Variants in AMMECR1L observed in about 807,000 individuals in gnomAD.
AMMECR1L encodes AMMECR1 like, also known as AMMECR1-like protein.
In AMMECR1L, 4 loss-of-function variants were observed where a neutral mutation model predicts 36.8. The ratio of observed to expected loss-of-function variants is 0.11; its 90% CI spans 0.05 to 0.25. The LOEUF is 0.25. Ranked by LOEUF, AMMECR1L falls within the 10% of genes least tolerant of loss-of-function variation. AMMECR1L has a pLI of 1.00. For synonymous variants in AMMECR1L, 147 were observed against 148.0 expected, an observed-to-expected ratio of 0.99 and a Z score of 0.05; for missense variants, 232 against 392.1, an observed-to-expected ratio of 0.59 and a Z score of 3.45.
At chr2:127,879,792 G>GC (rs1456890416) in intron 2 of AMMECR1L, among the ~76,000 whole-genome samples, 3 of 152,150 alleles carry the variant, frequency 2.0e-5, no homozygotes, top group Admixed American at 2.0e-4. Context: ...TGGTCCTCCA[G>GC]CAGCCCGGCT....
intron 2 of AMMECR1L, among the ~76,000 whole-genome samples, chr2:127,877,111 G>A (rs1207007227): frequency 6.7e-6 from 1 of 150,308 alleles, no homozygotes; most frequent in Non-Finnish European, 1.5e-5. Context: ...AATACTTTTA[G>A]CTGCTCTTAT....
rs1226696555 is a variant in AMMECR1L at position 127,862,017 on chromosome 2, T to C, written c.*3077A>G. 6.6e-6 allele frequency: 1 copy of C among 152,640 alleles called. No individual in the cohort carries two copies. The highest frequency in any genetic ancestry group is 2.4e-5 in the African/African-American group (1 of 41,448). 9.5% of individuals were successfully genotyped at this position (152,640 alleles called of 1,614,324 possible). A position where few individuals can be genotyped will look rare whatever the true frequency, so the allele number is the denominator to read the frequency against. Reference sequence around the variant, plus strand: ...TTTCATGTTGAAAGGGTCTCTAACATGAGTTGTTTTATTATTATGAAGCAA... The same window carrying C: ...TTTCATGTTGAAAGGGTCTCTAACACGAGTTGTTTTATTATTATGAAGCAA... On this transcript the variant is annotated 3_prime_UTR_variant, in exon 8 of 8. Transcript: ENST00000272647.
In AMMECR1L at chr2:127,869,590, A is replaced by C. The variant is rs768427510; in HGVS notation, c.634-46T>G. ...AAGTAAATGGCATTTACTTACTCTA[A>C]TGGAACTTCAGTCCCCACATATAAA... On this transcript the variant is annotated intron_variant, in intron 5 of 7. Coordinates refer to ENST00000272647, the MANE Select transcript of AMMECR1L (RefSeq NM_001199140.2). This position sits in a 1 kb window ranked among gnomAD's most constrained non-coding sequence, Gnocchi z 4.7. The C allele has an allele frequency of 7.5e-6, 11 of 1,464,882 alleles. No individual in the cohort carries two copies. The highest frequency in any genetic ancestry group is 9.6e-6 in the Non-Finnish European group (10 of 1,044,600). 90.7% of individuals were successfully genotyped at this position (1,464,882 alleles called of 1,614,324 possible).
Position 127,871,269 on chromosome 2 carries a change from G to C in AMMECR1L, c.498C>G (p.Leu166=). 6.2e-7 allele frequency: 1 copy of C among 1,614,106 alleles called. No individual in the cohort carries two copies. The highest frequency in any genetic ancestry group is 8.5e-7 in the Non-Finnish European group (1 of 1,180,014). The change falls in exon 4 of 8, where the codon CTC becomes CTG. Residue 166 remains leucine (L), a synonymous_variant. Coordinates refer to ENST00000272647, the MANE Select transcript of AMMECR1L (RefSeq NM_001199140.2). The surrounding 1 kb of genome is among the most constrained non-coding windows in gnomAD (Gnocchi z 4.3). ...ATTACCTGGTTAACGTGTATTCCCTGAGTCCTGAATGAAGATTCATGGCTG... is the reference window on the plus strand; with the variant it reads ...ATTACCTGGTTAACGTGTATTCCCTCAGTCCTGAATGAAGATTCATGGCTG... The part of the protein sequence containing the change: ...TFSAMNLHSG[L]REYTLTSALK...
In AMMECR1L at chr2:127,862,211, G is replaced by C. The variant is rs1690497220; in HGVS notation, c.*2883C>G. ...CTTTCCAGACCAAAAGGCACTCACA[G>C]CTAGGGATGAAACGAACTCCGAACC... On this transcript the variant is annotated 3_prime_UTR_variant, in exon 8 of 8. Transcript: ENST00000272647. 1 of 153,742 alleles carries C rather than the reference G, an allele frequency of 6.5e-6. No homozygotes were observed. Among genetic ancestry groups the C allele is most frequent in the African/African-American group, 2.4e-5 (1 of 41,434 alleles). 9.5% of individuals were successfully genotyped at this position (153,742 alleles called of 1,614,324 possible).
intron 1 of AMMECR1L, chr2:127,884,955 C>G (rs1471370693): frequency 5.8e-6 from 1 of 173,270 alleles, no homozygotes; most frequent in Non-Finnish European, 1.1e-5. Context: ...CCCACCCACT[C>G]TATCCTAGGA....
chr2:127,883,317 GA>G (rs1240239555), intron 2 of AMMECR1L, among the ~76,000 whole-genome samples: 20 of 152,092 alleles, frequency 1.3e-4, no homozygotes, highest in African/African-American at 4.6e-4. Flanking sequence ...AGGATGTCTT[GA>G]TCTCTTGACC....
At position 127,871,142 on chromosome 2, in the gene AMMECR1L, A is replaced by G; in HGVS notation, c.518+107T>C. On this transcript the variant is annotated intron_variant, in intron 4 of 7. Coordinates refer to ENST00000272647, the MANE Select transcript of AMMECR1L (RefSeq NM_001199140.2). This position sits in a 1 kb window ranked among gnomAD's most constrained non-coding sequence, Gnocchi z 4.3. ...ATTAAGCCCCTTACATTTCCTGATT[A>G]CCAAAAAGAGAAAGCTCAACGTACA... is the stretch of plus-strand genomic sequence containing the variant. 7.9e-7 allele frequency: 1 copy of G among 1,258,324 alleles called. No individual in the cohort carries two copies. The highest frequency in any genetic ancestry group is 1.1e-6 in the Non-Finnish European group (1 of 896,758). 77.9% of individuals were successfully genotyped at this position (1,258,324 alleles called of 1,614,324 possible). A position where few individuals can be genotyped will look rare whatever the true frequency, so the allele number is the denominator to read the frequency against.
In AMMECR1L at chr2:127,865,046, T is replaced by C. The variant is rs1302913438; in HGVS notation, c.*48A>G. On this transcript the variant is annotated 3_prime_UTR_variant, in exon 8 of 8. Transcript: ENST00000272647. The surrounding 1 kb of genome is among the most constrained non-coding windows in gnomAD (Gnocchi z 5.4). ...GGAGGCATCTGCTCCAATGATGTCA[T>C]AGCCATTGGTGGCCACGGGGGGGTG... 3.8e-6 allele frequency: 5 copies of C among 1,317,966 alleles called. No individual in the cohort carries two copies. The highest frequency in any genetic ancestry group is 2.2e-6 in the Non-Finnish European group (2 of 916,942). The allele number at this position is 1,317,966 out of a possible 1,614,324, so 81.6% of individuals were successfully genotyped here.
At chr2:127,880,160 CAA>C (rs1448449787) in intron 2 of AMMECR1L, among the ~76,000 whole-genome samples, 1 of 152,134 alleles carries the variant, frequency 6.6e-6, no homozygotes, top group East Asian at 1.9e-4. Context: ...AGGAAAAAGA[CAA>C]AGTTTGAAAT....
chr2:127,865,347 T>C lies in AMMECR1L; in HGVS notation c.822-142A>G. 1 of 533,964 alleles carries C rather than the reference T, an allele frequency of 1.9e-6. No homozygotes were observed. Among genetic ancestry groups the C allele is most frequent in the Non-Finnish European group, 3.3e-6 (1 of 299,662 alleles). The allele number at this position is 533,964 out of a possible 1,614,324, so 33.1% of individuals were successfully genotyped here. On this transcript the variant is annotated intron_variant, in intron 7 of 7. Transcript: ENST00000272647. The surrounding 1 kb of genome is among the most constrained non-coding windows in gnomAD (Gnocchi z 5.4). ...CAAGAGCAATCTTACTTACAGAAAA[T>C]GAAAGACAGCACAAGAAAACAATGT...
Position 127,871,736 on chromosome 2 carries a change from C to T in AMMECR1L, c.408-377G>A, listed in dbSNP as rs749781961. On this transcript the variant is annotated intron_variant, in intron 3 of 7. Transcript: ENST00000272647. This position sits in a 1 kb window ranked among gnomAD's most constrained non-coding sequence, Gnocchi z 4.3. The stretch of plus-strand genomic sequence containing the variant: ...TCCAGGTAGCCATGCTCCCCCGCTC[C>T]GTCTTTCATGATGACACGCCTCACC... Among the ~76,000 whole-genome samples the T allele has an allele frequency of 1.1e-4, 17 of 152,114 alleles. No homozygotes were observed. Among genetic ancestry groups the T allele is most frequent in the East Asian group, 1.9e-4 (1 of 5,196 alleles).
At chr2:127,870,271 A>G (rs13012321) in intron 5 of AMMECR1L, among the ~76,000 whole-genome samples, 74,361 of 150,322 alleles carry the variant, frequency 0.49, 19,507 homozygotes, top group African/African-American at 0.67. Flanking sequence ...CTGAGATTGC[A>G]CCACTGCACT....
In AMMECR1L at chr2:127,862,131, C is replaced by A. The variant is rs1437346052; in HGVS notation, c.*2963G>T. On this transcript the variant is annotated 3_prime_UTR_variant, in exon 8 of 8. Transcript: ENST00000272647. Reference sequence around the variant, plus strand: ...ATTCTCTTTTAATGTAAAACAAGGACAATTCATAATTACAGAGAGAATGTC... The same window carrying A: ...ATTCTCTTTTAATGTAAAACAAGGAAAATTCATAATTACAGAGAGAATGTC... 1 of 153,546 alleles carries A rather than the reference C, an allele frequency of 6.5e-6. No homozygotes were observed. Among genetic ancestry groups the A allele is most frequent in the Non-Finnish European group, 1.5e-5 (1 of 68,034 alleles). The allele number at this position is 153,546 out of a possible 1,614,324, so 9.5% of individuals were successfully genotyped here. A position where few individuals can be genotyped will look rare whatever the true frequency, so the allele number is the denominator to read the frequency against.
rs1195365795 is a variant in AMMECR1L, at chr2:127,861,643, T to C, written c.*3451A>G. The C allele has an allele frequency of 6.6e-6, 1 of 152,226 alleles. No homozygotes were observed. 9.4% of individuals were successfully genotyped at this position (152,226 alleles called of 1,614,324 possible). ...AGAACAAAACGATTTTTATCCATTA[T>C]GATTTATTCTCTACAATACTTCGTT... On this transcript the variant is annotated 3_prime_UTR_variant, in exon 8 of 8. Coordinates refer to ENST00000272647, the MANE Select transcript of AMMECR1L (RefSeq NM_001199140.2).
In AMMECR1L at chr2:127,863,039, A is replaced by ATTT. The variant is rs763479674; in HGVS notation, c.*2052_*2054dup. On this transcript the variant is annotated 3_prime_UTR_variant, in exon 8 of 8. Transcript: ENST00000272647. ...GCTCAGGGGTGAAGGTTTAGCACCA[A>ATTT]TTTTTTTGCTTTTTTTAATCTTTAG... The ATTT allele has an allele frequency of 6.6e-6, 1 of 152,502 alleles. No homozygotes were observed. Among genetic ancestry groups the ATTT allele is most frequent in the African/African-American group, 2.4e-5 (1 of 41,402 alleles). The allele number at this position is 152,502 out of a possible 1,614,324, so 9.4% of individuals were successfully genotyped here. A position where few individuals can be genotyped will look rare whatever the true frequency, so the allele number is the denominator to read the frequency against.
chr2:127,877,713 T>C (rs973077579), intron 2 of AMMECR1L, among the ~76,000 whole-genome samples: 1 of 152,144 alleles, frequency 6.6e-6, no homozygotes, highest in Non-Finnish European at 1.5e-5. Flanking sequence ...GTTCTGCCAA[T>C]AATATCCACT....
At chr2:127,875,570 T>C (rs1691193477) in intron 2 of AMMECR1L, among the ~76,000 whole-genome samples, 1 of 152,230 alleles carries the variant, frequency 6.6e-6, no homozygotes, top group Admixed American at 6.5e-5. Context: ...GCAATGCCAT[T>C]ATTTCTAAAC....
In AMMECR1L at chr2:127,865,051, A is replaced by G; in HGVS notation, c.*43T>C. ...CATCTGCTCCAATGATGTCATAGCC[A>G]TTGGTGGCCACGGGGGGGTGGGACT... is the stretch of plus-strand genomic sequence containing the variant. On this transcript the variant is annotated 3_prime_UTR_variant, in exon 8 of 8. Coordinates refer to ENST00000272647, the MANE Select transcript of AMMECR1L (RefSeq NM_001199140.2). The surrounding 1 kb of genome is among the most constrained non-coding windows in gnomAD (Gnocchi z 5.4). 7.6e-7 allele frequency: 1 copy of G among 1,317,208 alleles called. No homozygotes were observed. The highest frequency in any genetic ancestry group is 1.2e-5 in the South Asian group (1 of 83,632). The allele number at this position is 1,317,208 out of a possible 1,614,324, so 81.6% of individuals were successfully genotyped here. A position where few individuals can be genotyped will look rare whatever the true frequency, so the allele number is the denominator to read the frequency against.
Sources: gnomAD v4.1 joint callset for allele counts (sites outside exome capture counted in the v4.1 genomes callset) on GRCh38, gnomAD v4.1.1 for gene constraint, Gnocchi (gnomAD v3.1) non-coding constraint, MANE v1.5 for transcripts, NCBI Gene and HGNC (gene_info 2026-07-23, HGNC 2026-07-21) for gene names.